Variants in RAP1A observed in about 807,000 individuals in gnomAD.
RAP1A encodes ras-related protein Rap-1A.
In RAP1A, 6 loss-of-function variants were observed where a neutral mutation model predicts 26.4. The observed-to-expected ratio is 0.23, with a 90% CI of 0.12 to 0.45. The LOEUF (loss-of-function observed/expected upper bound fraction) is 0.45, where lower values mean the gene tolerates loss of function less well. Among genes scored for constraint, RAP1A ranks in the 20% least tolerant of loss-of-function variants. The probability of loss-of-function intolerance (pLI) is 0.99; values close to 1 mark genes in which losing one functional copy is unlikely to be tolerated. For missense variants in RAP1A, 121 were observed against 217.2 expected, an observed-to-expected ratio of 0.56 and a Z score of 2.78; for synonymous variants, 73 against 79.4, an observed-to-expected ratio of 0.92 and a Z score of 0.43.
At chr1:111,581,176 A>G (rs1658251025) in intron 1 of RAP1A, among the ~76,000 whole-genome samples, 1 of 151,790 alleles carries the variant, frequency 6.6e-6, no homozygotes, top group African/African-American at 2.4e-5. Context: ...CTGTACTTTT[A>G]GAGAGCTTGA....
intron 1 of RAP1A, among the ~76,000 whole-genome samples, chr1:111,554,361 G>A (rs1441067512): frequency 6.6e-6 from 1 of 152,154 alleles, no homozygotes; most frequent in African/African-American, 2.4e-5. Flanking sequence ...AACATCTTTT[G>A]TTTGACAAAA....
At chr1:111,596,563 G>T (rs1364678382) in intron 1 of RAP1A, among the ~76,000 whole-genome samples, 2 of 152,202 alleles carry the variant, frequency 1.3e-5, no homozygotes, top group South Asian at 2.1e-4. Flanking sequence ...CATAGCAGAT[G>T]ATCTTAGTCC....
At position 111,623,752 on chromosome 1, in the gene RAP1A, C is replaced by T. The variant is rs199591211; in HGVS notation, c.-28+3818C>T. Among the ~76,000 whole-genome samples the T allele has an allele frequency of 1.3e-4, 20 of 152,244 alleles. No individual in the cohort carries two copies. In the East Asian group the frequency reaches 3.5e-3, roughly 26 times the overall value. On this transcript the variant is annotated intron_variant, in intron 1 of 7. Transcript: ENST00000369709. ...ATTTTATTTGGTTTATAGGGGATGA[C>T]GACACCAGCCAGTTTTGATAGAAAA...
chr1:111,578,319 A>T (rs1295300651), intron 1 of RAP1A, among the ~76,000 whole-genome samples: 1 of 152,020 alleles, frequency 6.6e-6, no homozygotes, highest in East Asian at 1.9e-4. Context: ...AAGGTGGTAG[A>T]GCAATAGATA....
chr1:111,546,525 G>A (rs1657039198), intron 1 of RAP1A, among the ~76,000 whole-genome samples: 2 of 152,048 alleles, frequency 1.3e-5, no homozygotes, highest in South Asian at 4.1e-4. Flanking sequence ...CATAATACTT[G>A]TCCTTTTGTG....
At chr1:111,639,221 T>A (rs1659817843) in intron 1 of RAP1A, among the ~76,000 whole-genome samples, 1 of 152,202 alleles carries the variant, frequency 6.6e-6, no homozygotes, top group Non-Finnish European at 1.5e-5. Context: ...GTTCTCTACT[T>A]ATACCTTCAG....
chr1:111,663,872 T>TAA, intron 1 of RAP1A, among the ~76,000 whole-genome samples: 1 of 148,382 alleles, frequency 6.7e-6, no homozygotes, highest in Non-Finnish European at 1.5e-5. Flanking sequence ...AAAAGGCACT[T>TAA]AAAAAAAAAA....
intron 1 of RAP1A, among the ~76,000 whole-genome samples, chr1:111,647,531 A>G (rs184371732): frequency 7.7e-4 from 117 of 152,336 alleles, no homozygotes; most frequent in African/African-American, 2.6e-3. Flanking sequence ...TCGCTGCCTT[A>G]AATTATGTAG....
At chr1:111,576,398 A>G (rs1391286275) in intron 1 of RAP1A, among the ~76,000 whole-genome samples, 1 of 152,238 alleles carries the variant, frequency 6.6e-6, no homozygotes, top group Non-Finnish European at 1.5e-5. Flanking sequence ...CCACTTAAGT[A>G]TATATATAAT....
intron 1 of RAP1A, among the ~76,000 whole-genome samples, chr1:111,597,027 T>C (rs1338451077): frequency 6.6e-6 from 1 of 152,232 alleles, no homozygotes; most frequent in African/African-American, 2.4e-5. Flanking sequence ...GGATGGCTCA[T>C]GGTCAATGCC....
chr1:111,640,010 CT>C (rs910668246), intron 1 of RAP1A, among the ~76,000 whole-genome samples: 2 of 152,206 alleles, frequency 1.3e-5, no homozygotes, highest in East Asian at 1.9e-4. Context: ...AACCTAAATG[CT>C]TTGTGAATGT....
intron 1 of RAP1A, among the ~76,000 whole-genome samples, chr1:111,624,038 TA>T (rs1466800642): frequency 6.6e-6 from 1 of 152,256 alleles, no homozygotes; most frequent in Non-Finnish European, 1.5e-5. Flanking sequence ...AAAGCATTTA[TA>T]TTTTAATATT....
intron 1 of RAP1A, among the ~76,000 whole-genome samples, chr1:111,576,565 G>A (rs1658150730): frequency 6.6e-6 from 1 of 152,208 alleles, no homozygotes; most frequent in African/African-American, 2.4e-5. Context: ...AATAGTTCAA[G>A]TTGAGTTGTA....
intron 6 of RAP1A, among the ~76,000 whole-genome samples, chr1:111,708,037 G>A (rs1662250824): frequency 6.6e-6 from 1 of 152,124 alleles, no homozygotes; most frequent in Admixed American, 6.5e-5. Flanking sequence ...TTAGCTGGGT[G>A]TCGTGGTGCA....
At position 111,649,159 on chromosome 1, in the gene RAP1A, A is replaced by G. The variant is rs1343543019; in HGVS notation, c.-28+29225A>G. 5.4e-6 allele frequency: 3 copies of G among 558,288 alleles called. No homozygotes were observed. The Admixed American group carries it at 5.7e-5, about 11-fold the overall frequency. 34.6% of individuals were successfully genotyped at this position (558,288 alleles called of 1,614,324 possible). ...TGGGCATTGTCCACAGTATTTAAGA[A>G]GATCTGAGCTCTCACGTCCTCGATG... On this transcript the variant is annotated intron_variant, in intron 1 of 7. Transcript: ENST00000369709.
chr1:111,567,081 G>A (rs1571474690), intron 1 of RAP1A, among the ~76,000 whole-genome samples: 1 of 152,102 alleles, frequency 6.6e-6, no homozygotes, highest in Non-Finnish European at 1.5e-5. Flanking sequence ...GCACTGAGCA[G>A]GACATAGGGA....
At chr1:111,687,086 A>T (rs890983543) in intron 1 of RAP1A, among the ~76,000 whole-genome samples, 1 of 152,050 alleles carries the variant, frequency 6.6e-6, no homozygotes, top group Non-Finnish European at 1.5e-5. Flanking sequence ...ATTTAAGGTA[A>T]TGATGTGATT....
chr1:111,684,113 C>G (rs1192936126), intron 1 of RAP1A, among the ~76,000 whole-genome samples: 1 of 152,142 alleles, frequency 6.6e-6, no homozygotes, highest in Non-Finnish European at 1.5e-5. Flanking sequence ...ATCCAACACC[C>G]CTTCATGCTA....
intron 1 of RAP1A, among the ~76,000 whole-genome samples, chr1:111,661,684 A>G (rs1660641987): frequency 1.3e-5 from 2 of 152,106 alleles, no homozygotes; most frequent in East Asian, 1.9e-4. Context: ...CTGTAATCCC[A>G]GCTACTCAGG....
Sources: allele counts gnomAD v4.1 joint callset (sites outside exome capture counted in the v4.1 genomes callset), GRCh38; gene constraint gnomAD v4.1.1; transcripts MANE v1.5; gene names NCBI Gene and HGNC (gene_info 2026-07-23, HGNC 2026-07-21).